ANKS1B: variants seen among roughly 807,000 people sequenced by gnomAD.
ANKS1B encodes ankyrin repeat and sterile alpha motif domain containing 1B.
ANKS1B carries 36 observed loss-of-function variants against 148.3 expected under a neutral mutation model. That is an observed-to-expected ratio of 0.24 (90% CI 0.19 to 0.32). The LOEUF is 0.32. ANKS1B is among the 10% of genes least tolerant of loss of function. ANKS1B has a pLI of 1.00. For synonymous variants in ANKS1B, 542 were observed against 560.8 expected (o/e 0.97, Z 0.47); for missense variants, 1,157 against 1,542.6 (o/e 0.75, Z 4.19).
intron 8 of ANKS1B, among the ~76,000 whole-genome samples, chr12:99,743,188 A>G (rs546623535): frequency 6.6e-6 from 1 of 152,310 alleles, no homozygotes; most frequent in East Asian, 1.9e-4. Context: ...CAACAAAATG[A>G]ACTTCTATTA....
At chr12:99,339,442 A>G (rs1251666266) in intron 12 of ANKS1B, among the ~76,000 whole-genome samples, 1 of 152,080 alleles carries the variant, frequency 6.6e-6, no homozygotes, top group Non-Finnish European at 1.5e-5. Context: ...TGTCTTTCCT[A>G]CCTTCTCTTT....
chr12:99,075,828 TATATATA>T (rs1048846031), intron 16 of ANKS1B, among the ~76,000 whole-genome samples: 3 of 97,232 alleles, frequency 3.1e-5, no homozygotes, highest in African/African-American at 8.8e-5. Context: ...TGTATTATCG[TATATATA>T]ATATATGTTT....
chr12:98,854,973 C>A (rs2099554695), intron 17 of ANKS1B, among the ~76,000 whole-genome samples: 1 of 151,800 alleles, frequency 6.6e-6, no homozygotes, highest in South Asian at 2.1e-4. Flanking sequence ...TCCTGGCTAA[C>A]AAGGTGAAAC....
At chr12:99,868,473 C>G (rs1242153662) in intron 1 of ANKS1B, among the ~76,000 whole-genome samples, 1 of 151,972 alleles carries the variant, frequency 6.6e-6, no homozygotes, top group Non-Finnish European at 1.5e-5. Flanking sequence ...TATTGGAGAT[C>G]CTAGGCAGTG....
rs548666601 is a variant in ANKS1B at position 99,037,454 on chromosome 12, G to A, written c.2778+15703C>T. On this transcript the variant is annotated intron_variant, in intron 17 of 26. Coordinates refer to ENST00000683438, the MANE Select transcript of ANKS1B (RefSeq NM_001352186.2). ...TGGGAGGCAGAGGTTGCAGTGAGCC[G>A]AGATAGCGCTGCTGCACACCAGCTG... Among the ~76,000 whole-genome samples the A allele has an allele frequency of 3.7e-4, 56 of 151,768 alleles. No individual in the cohort carries two copies. The South Asian group carries it at 7.3e-3, about 20-fold the overall frequency.
chr12:99,845,659 C>T (rs1296589568), intron 1 of ANKS1B, among the ~76,000 whole-genome samples: 1 of 152,132 alleles, frequency 6.6e-6, no homozygotes, highest in Non-Finnish European at 1.5e-5. Context: ...TGATGCTCAT[C>T]AAGGATATTG....
At chr12:99,359,580 C>T (rs896106807) in intron 12 of ANKS1B, among the ~76,000 whole-genome samples, 1 of 151,966 alleles carries the variant, frequency 6.6e-6, no homozygotes, top group Non-Finnish European at 1.5e-5. Flanking sequence ...AAAAAATGTT[C>T]CTTTAAATGA....
intron 12 of ANKS1B, among the ~76,000 whole-genome samples, chr12:99,249,068 T>A (rs746461591): frequency 1.3e-5 from 2 of 152,096 alleles, no homozygotes; most frequent in Non-Finnish European, 2.9e-5. Flanking sequence ...TCTCACAGAG[T>A]GCTTTACAAC....
At chr12:99,853,423 C>T (rs546717449) in intron 1 of ANKS1B, among the ~76,000 whole-genome samples, 1 of 152,280 alleles carries the variant, frequency 6.6e-6, no homozygotes, top group African/African-American at 2.4e-5. Flanking sequence ...TTCGTAGACA[C>T]TCCCCAGTAC....
chr12:98,761,511 C>T (rs564594582), intron 25 of ANKS1B, among the ~76,000 whole-genome samples: 1 of 152,326 alleles, frequency 6.6e-6, no homozygotes, highest in African/African-American at 2.4e-5. Context: ...CCATACCTTT[C>T]CACAACTCCA....
At position 98,745,494 on chromosome 12, in the gene ANKS1B, G is replaced by A. The variant is rs919788419; in HGVS notation, c.*245C>T. On this transcript the variant is annotated 3_prime_UTR_variant, in exon 27 of 27. Coordinates refer to ENST00000683438, the MANE Select transcript of ANKS1B (RefSeq NM_001352186.2). ...GGGAGGTGGTGGGGAGGGGAGTCGG[G>A]AGCATCAGGGAAAACCCATCTCAAC... 25 of 1,187,796 alleles carry A rather than the reference G, an allele frequency of 2.1e-5. No homozygotes were observed. Among genetic ancestry groups the A allele is most frequent in the Non-Finnish European group, 2.6e-5 (25 of 956,924 alleles). 73.6% of individuals were successfully genotyped at this position (1,187,796 alleles called of 1,614,324 possible). A position where few individuals can be genotyped will look rare whatever the true frequency, so the allele number is the denominator to read the frequency against.
rs869145338 is a variant in ANKS1B at position 98,948,947 on chromosome 12, C to CTTTTTTTTTTTTTTTTTTTTTTT, written c.2778+104187_2778+104209dup. On this transcript the variant is annotated intron_variant, in intron 17 of 26. Coordinates refer to ENST00000683438, the MANE Select transcript of ANKS1B (RefSeq NM_001352186.2). ...AGGGGTGAGATATGAGCATGAGCTACTTTTTTTTTTTTTTTTTTTTTTTGA... is the reference window on the plus strand; with the variant it reads ...AGGGGTGAGATATGAGCATGAGCTACTTTTTTTTTTTTTTTTTTTTTTTTTTTTTTTTTTTTTTTTTTTTTTGA... 4.1e-4 allele frequency among the ~76,000 whole-genome samples: 35 copies of CTTTTTTTTTTTTTTTTTTTTTTT among 84,860 alleles called. 10 individuals carry two copies. Among genetic ancestry groups the CTTTTTTTTTTTTTTTTTTTTTTT allele is most frequent in the African/African-American group, 1.3e-3 (19 of 14,734 alleles). The allele number at this position is 84,860 out of a possible 152,430, so 55.7% of individuals were successfully genotyped here.
chr12:98,993,072 A>G (rs1280630521), intron 17 of ANKS1B, among the ~76,000 whole-genome samples: 1 of 152,258 alleles, frequency 6.6e-6, no homozygotes, highest in African/African-American at 2.4e-5. Context: ...ATATATTTAA[A>G]GCATGAAATG....
intron 15 of ANKS1B, among the ~76,000 whole-genome samples, chr12:99,140,251 T>C (rs2070170942): frequency 6.6e-6 from 1 of 152,192 alleles, no homozygotes; most frequent in Non-Finnish European, 1.5e-5. Flanking sequence ...GGCTCAGTTC[T>C]TTGAGTGTCC....
At chr12:99,510,407 A>G (rs1277072948) in intron 9 of ANKS1B, among the ~76,000 whole-genome samples, 1 of 152,018 alleles carries the variant, frequency 6.6e-6, no homozygotes, top group Non-Finnish European at 1.5e-5. Flanking sequence ...TGAAGTCAAC[A>G]TCAATGAGTC....
At chr12:99,031,450 C>T (rs978519598) in intron 17 of ANKS1B, among the ~76,000 whole-genome samples, 1 of 152,170 alleles carries the variant, frequency 6.6e-6, no homozygotes, top group Non-Finnish European at 1.5e-5. Flanking sequence ...TCCTGCAGAG[C>T]CTGGAAAAAG....
intron 1 of ANKS1B, among the ~76,000 whole-genome samples, chr12:99,874,682 T>G: frequency 6.6e-6 from 1 of 152,184 alleles, no homozygotes; most frequent in East Asian, 1.9e-4. Flanking sequence ...CAGGGAGTAT[T>G]AGATATGCAA....
intron 12 of ANKS1B, among the ~76,000 whole-genome samples, chr12:99,371,828 TATA>T (rs1447007786): frequency 1.3e-5 from 2 of 152,178 alleles, no homozygotes; most frequent in African/African-American, 4.8e-5. Flanking sequence ...TTCACCAGTA[TATA>T]ATAAGAATAA....
chr12:99,028,264 C>G (rs541200708), intron 17 of ANKS1B, among the ~76,000 whole-genome samples: 1 of 152,286 alleles, frequency 6.6e-6, no homozygotes, highest in East Asian at 1.9e-4. Flanking sequence ...GCAAGCCAAA[C>G]TCTCTCAACT....
Sources: gnomAD v4.1 joint callset for allele counts (sites outside exome capture counted in the v4.1 genomes callset) on GRCh38, gnomAD v4.1.1 for gene constraint, MANE v1.5 for transcripts, NCBI Gene and HGNC (gene_info 2026-07-23, HGNC 2026-07-21) for gene names.